ECT2: variants seen among roughly 807,000 people sequenced by gnomAD.
The protein encoded by ECT2 is epithelial cell transforming 2, also known as protein ECT2.
Under a neutral mutation model 116.9 loss-of-function variants are expected in ECT2, and 61 were observed. The observed-to-expected ratio is 0.52, with a 90% CI of 0.42 to 0.65. The LOEUF is 0.65. Among genes scored for constraint, ECT2 ranks in the 30% least tolerant of loss-of-function variants. The pLI is 0.00. For synonymous variants in ECT2, 358 were observed against 346.4 expected (o/e 1.03, Z -0.37); for missense variants, 937 against 1,078.7 (o/e 0.87, Z 1.84).
In ECT2 at chr3:172,808,494, A is replaced by G. The variant is rs532381095; in HGVS notation, c.2400+570A>G. Among the ~76,000 whole-genome samples, 4 of 152,324 alleles carry G rather than the reference A, an allele frequency of 2.6e-5. No homozygotes were observed. In the East Asian group the frequency reaches 5.8e-4, roughly 22 times the overall value. ...ATAAATATATAATTATCATTATACTATACAGATTAAAGTGAAAATAGATGA... is the reference window on the plus strand; with the variant it reads ...ATAAATATATAATTATCATTATACTGTACAGATTAAAGTGAAAATAGATGA... On this transcript the variant is annotated intron_variant, in intron 22 of 24. Coordinates refer to ENST00000392692, the MANE Select transcript of ECT2 (RefSeq NM_001258315.2).
rs971134357 is a variant in ECT2 at position 172,791,117 on chromosome 3, G to C, written c.1907+4543G>C. Among the ~76,000 whole-genome samples the C allele has an allele frequency of 4.5e-4, 68 of 152,210 alleles. 2 individuals carry two copies. Among genetic ancestry groups the C allele is most frequent in the Non-Finnish European group, 8.8e-5 (6 of 68,038 alleles). On this transcript the variant is annotated intron_variant, in intron 18 of 24. Coordinates refer to ENST00000392692, the MANE Select transcript of ECT2 (RefSeq NM_001258315.2). ...TGCAGTGAACCAAAATTGCACCACT[G>C]TACTCCAGCCTGGATGACAGAACAA...
chr3:172,828,334 C>CTGTGTGTGTGTGTGTG, the ECT2 span, among the ~76,000 whole-genome samples: 2,318 of 150,252 alleles, frequency 0.015, 66 homozygotes, highest in African/African-American at 0.055. Context: ...TACCAACAGG[C>CTGTGTGTGTGTGTGTG]TGTGTGTGTG....
At chr3:172,827,624 G>GA in the ECT2 span, among the ~76,000 whole-genome samples, 5 of 152,314 alleles carry the variant, frequency 3.3e-5, no homozygotes, top group African/African-American at 1.2e-4. Context: ...CAGAGGCTGG[G>GA]AAGGGTAGTG....
chr3:172,824,512 C>G (rs1296896643), downstream of ECT2, among the ~76,000 whole-genome samples: 1 of 152,164 alleles, frequency 6.6e-6, no homozygotes, highest in Non-Finnish European at 1.5e-5. Flanking sequence ...CCAATTACCT[C>G]CCACCAGGCC....
At chr3:172,797,556 A>G (rs1188397624) in intron 18 of ECT2, among the ~76,000 whole-genome samples, 4 of 152,140 alleles carry the variant, frequency 2.6e-5, no homozygotes, top group Admixed American at 6.6e-5. Flanking sequence ...GTGGCTTTTC[A>G]TGATGTGTCT....
chr3:172,818,783 C>A, intron 24 of ECT2: 1 of 1,271,722 alleles, frequency 7.9e-7, no homozygotes, highest in South Asian at 1.3e-5. Flanking sequence ...ATTTGCCAAC[C>A]ACTAATGGAA....
chr3:172,769,671 A>G (rs1237968002), intron 13 of ECT2, among the ~76,000 whole-genome samples: 1 of 152,128 alleles, frequency 6.6e-6, no homozygotes, highest in Non-Finnish European at 1.5e-5. Context: ...CCAATATTAA[A>G]ATGTACTATA....
In ECT2 at chr3:172,759,046, G is replaced by A. The variant is rs1028717071; in HGVS notation, c.553G>A (p.Gly185Arg). Residue 185 changes from glycine to arginine, a missense_variant, in exon 6 of 25, where the codon GGA becomes AGA. Coordinates refer to ENST00000392692, the MANE Select transcript of ECT2 (RefSeq NM_001258315.2). Reference sequence around the variant, plus strand: ...GATGAATCTAGTACTATGCTTTACTGGATTTAGGAAAAAAGAAGAACTAGT... The same window carrying A: ...GATGAATCTAGTACTATGCTTTACTAGATTTAGGAAAAAAGAAGAACTAGT... ...SMMNLVLCFT[G>R]FRKKEELVRL... is the part of the protein sequence containing the mutation. 3 of 1,601,736 alleles carry A rather than the reference G, an allele frequency of 1.9e-6. No homozygotes were observed. Among genetic ancestry groups the A allele is most frequent in the African/African-American group, 2.7e-5 (2 of 74,178 alleles).
At chr3:172,781,698 A>G (rs1408844858) in intron 14 of ECT2, among the ~76,000 whole-genome samples, 1 of 152,184 alleles carries the variant, frequency 6.6e-6, no homozygotes, top group Non-Finnish European at 1.5e-5. Flanking sequence ...TTTCGGTTAA[A>G]AGAAGTTTTA....
intron 22 of ECT2, among the ~76,000 whole-genome samples, chr3:172,815,342 C>T (rs1454387409): frequency 6.6e-6 from 1 of 152,138 alleles, no homozygotes; most frequent in African/African-American, 2.4e-5. Context: ...TAACTTGTTT[C>T]AGAGTTGTTA....
At chr3:172,759,189 G>A in intron 6 of ECT2, 120 bp downstream of exon 6, 1 of 634,086 alleles carries the variant, frequency 1.6e-6, no homozygotes, top group Non-Finnish European at 2.6e-6. Context: ...AACTTATTAT[G>A]GCTATACCAG....
At chr3:172,763,388 G>A (rs1718715874) in intron 11 of ECT2, among the ~76,000 whole-genome samples, 1 of 152,202 alleles carries the variant, frequency 6.6e-6, no homozygotes. Context: ...GGCCAACTAG[G>A]TAAGGACATT....
intron 16 of ECT2, 89 bp downstream of exon 16, chr3:172,783,998 T>C: frequency 1.1e-6 from 1 of 896,166 alleles, no homozygotes; most frequent in Non-Finnish European, 1.7e-6. Flanking sequence ...AAATTTTAAC[T>C]TTAGTAAAAT....
chr3:172,812,618 TA>T (rs1226348128), intron 22 of ECT2, among the ~76,000 whole-genome samples: 1 of 152,176 alleles, frequency 6.6e-6, no homozygotes, highest in African/African-American at 2.4e-5. Context: ...TATAATGACA[TA>T]ATTGTACATG....
chr3:172,812,243 G>T (rs529364031), intron 22 of ECT2, among the ~76,000 whole-genome samples: 2 of 152,218 alleles, frequency 1.3e-5, no homozygotes, highest in South Asian at 2.1e-4. Flanking sequence ...CCCCCTGGGG[G>T]CCTATCACAG....
chr3:172,807,721 A>G, intron 21 of ECT2, 49 bp from the exon 22 acceptor site: 1 of 1,554,950 alleles, frequency 6.4e-7, no homozygotes, highest in Non-Finnish European at 8.7e-7. Flanking sequence ...TACATCTGTC[A>G]TTTTCCAAGG....
intron 12 of ECT2, among the ~76,000 whole-genome samples, chr3:172,765,696 T>A (rs1326328673): frequency 6.6e-6 from 1 of 152,206 alleles, no homozygotes; most frequent in Non-Finnish European, 1.5e-5. Flanking sequence ...AATTAGATGA[T>A]GCCACTCCTC....
chr3:172,809,268 A>G (rs1029586638), intron 22 of ECT2, among the ~76,000 whole-genome samples: 4 of 152,112 alleles, frequency 2.6e-5, no homozygotes, highest in African/African-American at 9.7e-5. Context: ...CTTATAATCT[A>G]TTGAATTACT....
At chr3:172,758,844 G>GA (rs1717622679) in intron 5 of ECT2, 136 bp from the exon 6 acceptor site, 1 of 709,742 alleles carries the variant, frequency 1.4e-6, no homozygotes, top group Non-Finnish European at 2.3e-6. Flanking sequence ...GTTGCATATT[G>GA]AAAAAATGCC....
Sources: gnomAD v4.1 joint callset for allele counts (sites outside exome capture counted in the v4.1 genomes callset) on GRCh38, gnomAD v4.1.1 for gene constraint, MANE v1.5 for transcripts, NCBI Gene and HGNC (gene_info 2026-07-23, HGNC 2026-07-21) for gene names.